Variants in DENND2A observed in about 807,000 individuals in gnomAD.
DENND2A encodes DENN domain-containing protein 2A.
In DENND2A, 53 loss-of-function variants were observed where a neutral mutation model predicts 105.3. The observed-to-expected ratio is 0.50, with a 90% CI of 0.40 to 0.63. The LOEUF is 0.63. Among genes scored for constraint, DENND2A ranks in the 30% least tolerant of loss-of-function variants. The probability of loss-of-function intolerance (pLI) is 0.00; values close to 1 mark genes in which losing one functional copy is unlikely to be tolerated. For missense variants in DENND2A, 1,138 were observed against 1,279.6 expected (o/e 0.89, Z 1.69); for synonymous variants, 522 against 508.4 (o/e 1.03, Z -0.36).
chr7:140,602,352 C>T lies in DENND2A; in HGVS notation c.46G>A (p.Glu16Lys). ...TGCTTCTTCCCAGCCCTGCTGGCTT[C>T]TGCAGCTGGGTCACTGATGATCATA... ...LDMIISDPAA[E>K]ASRAGKKQLR... The change falls in exon 3 of 20, where the codon GAA becomes AAA. Residue 16 changes from glutamate (E) to lysine (K), a missense_variant. Coordinates refer to ENST00000496613, the MANE Select transcript of DENND2A (RefSeq NM_015689.5). The T allele has an allele frequency of 6.3e-7, 1 of 1,593,474 alleles. No homozygotes were observed. The highest frequency in any genetic ancestry group is 8.5e-7 in the Non-Finnish European group (1 of 1,174,080).
intron 14 of DENND2A, chr7:140,544,151 C>T (rs1796795777): frequency 9.4e-6 from 2 of 213,562 alleles, no homozygotes; most frequent in South Asian, 8.4e-5. Context: ...CTCGGCCTCC[C>T]GAAGTGCTAG....
In DENND2A at chr7:140,596,034, G is replaced by A. The variant is rs1223658202; in HGVS notation, c.995+5369C>T. On this transcript the variant is annotated intron_variant, in intron 3 of 19. Coordinates refer to ENST00000496613, the MANE Select transcript of DENND2A (RefSeq NM_015689.5). ...AGCTCTCAGCTTGCATTCTGTTATC[G>A]GGTAACTCCTCCACCGTGTACTAGG... Among the ~76,000 whole-genome samples, 5 of 152,220 alleles carry A rather than the reference G, an allele frequency of 3.3e-5. No homozygotes were observed. The South Asian group carries it at 6.2e-4, about 19-fold the overall frequency.
intron 9 of DENND2A, among the ~76,000 whole-genome samples, chr7:140,566,392 T>C (rs1233104861): frequency 6.6e-6 from 1 of 152,182 alleles, no homozygotes; most frequent in African/African-American, 2.4e-5. Context: ...CTGAATTCTT[T>C]CTTGTGTGAG....
At position 140,573,790 on chromosome 7, in the gene DENND2A, G is replaced by A. The variant is rs1585665929; in HGVS notation, c.1446+18C>T. On this transcript the variant is annotated intron_variant, in intron 6 of 19. Transcript: ENST00000496613. ...GGGGTCATGCATACCTGAGCATGAA[G>A]CTTGTTGCCACCATTACCTTGGGTA... The A allele has an allele frequency of 6.2e-7, 1 of 1,611,480 alleles. No homozygotes were observed. The highest frequency in any genetic ancestry group is 1.3e-5 in the African/African-American group (1 of 74,934).
At chr7:140,540,965 G>T (rs1796635517) in intron 14 of DENND2A, among the ~76,000 whole-genome samples, 2 of 151,992 alleles carry the variant, frequency 1.3e-5, no homozygotes, top group Non-Finnish European at 2.9e-5. Context: ...TGATCCACTC[G>T]CCTCGGCCTC....
intron 1 of DENND2A, among the ~76,000 whole-genome samples, chr7:140,624,857 T>G (rs1192239701): frequency 6.8e-6 from 1 of 146,892 alleles, no homozygotes; most frequent in Admixed American, 6.7e-5. Flanking sequence ...TTGTTTTTTT[T>G]GTTTTTTTTT....
chr7:140,602,044 C>T lies in DENND2A; in HGVS notation c.354G>A (p.Gly118=). The T allele has an allele frequency of 6.2e-7, 1 of 1,614,204 alleles. No homozygotes were observed. Among genetic ancestry groups the T allele is most frequent in the East Asian group, 2.2e-5 (1 of 44,874 alleles). Residue 118 remains glycine, a synonymous_variant, in exon 3 of 20, where the codon GGG becomes GGA. Transcript: ENST00000496613. ...CTTGCCCCGGCTCTGGGTCCTGTCC[C>T]CCGACGTTCACTGCTCCTTTATTCC... The part of the protein sequence containing the change: ...KERNKGAVNV[G]GQDPEPGQDL...
At chr7:140,563,676 T>TA (rs139848094) in intron 9 of DENND2A, among the ~76,000 whole-genome samples, 348 of 29,246 alleles carry the variant, frequency 0.012, 57 homozygotes, top group African/African-American at 0.052. Flanking sequence ...ACCATTGCAT[T>TA]AAAAAAAAAA....
At chr7:140,620,392 C>A (rs1800242504) in intron 1 of DENND2A, among the ~76,000 whole-genome samples, 1 of 150,648 alleles carries the variant, frequency 6.6e-6, no homozygotes. Flanking sequence ...AAACTGCACA[C>A]AAAAGAAAAT....
Position 140,523,518 on chromosome 7 carries a change from A to C in DENND2A, c.2548-94T>G, listed in dbSNP as rs1795937368. On this transcript the variant is annotated intron_variant, in intron 16 of 19. Coordinates refer to ENST00000496613, the MANE Select transcript of DENND2A (RefSeq NM_015689.5). The surrounding 1 kb of genome is among the most constrained non-coding windows in gnomAD (Gnocchi z 4.5). ...AGCCACTGCAGGGCAGGCCTGGCTC[A>C]GTCTCCAGTTTCATGGAAGGAATAC... 1.9e-6 allele frequency: 2 copies of C among 1,043,256 alleles called. No individual in the cohort carries two copies. The highest frequency in any genetic ancestry group is 1.6e-5 in the African/African-American group (1 of 63,608). The allele number at this position is 1,043,256 out of a possible 1,614,324, so 64.6% of individuals were successfully genotyped here.
intron 14 of DENND2A, among the ~76,000 whole-genome samples, chr7:140,535,569 CT>C (rs562088190): frequency 0.046 from 6,559 of 143,010 alleles, 399 homozygotes; most frequent in African/African-American, 0.15. Flanking sequence ...CTTCCAGCTT[CT>C]TTTTTTTTTT....
At chr7:140,520,273 T>C (rs1795807693) in intron 18 of DENND2A, among the ~76,000 whole-genome samples, 2 of 149,450 alleles carry the variant, frequency 1.3e-5, no homozygotes, top group Admixed American at 1.3e-4. Flanking sequence ...GCCTTTGCAC[T>C]CCAGCTTGGG....
chr7:140,589,419 T>C (rs1270738421), intron 3 of DENND2A, among the ~76,000 whole-genome samples: 1 of 152,182 alleles, frequency 6.6e-6, no homozygotes, highest in Non-Finnish European at 1.5e-5. Flanking sequence ...TATGAGGAGA[T>C]GCTATGAACC....
rs2293178 is a variant in DENND2A at position 140,527,276 on chromosome 7, C to T, written c.2505+42G>A. ...AGAGCCAGCGCCCCGCTCTGTTCTC[C>T]GCACCCTGCAGGGAGGGGGACAGGG... On this transcript the variant is annotated intron_variant, in intron 15 of 19. Coordinates refer to ENST00000496613, the MANE Select transcript of DENND2A (RefSeq NM_015689.5). This position sits in a 1 kb window ranked among gnomAD's most constrained non-coding sequence, Gnocchi z 4.9. 6,468 of 1,523,564 alleles carry T rather than the reference C, an allele frequency of 4.2e-3. 242 individuals carry two copies. The Admixed American group carries it at 0.082, about 19-fold the overall frequency. The allele number at this position is 1,523,564 out of a possible 1,614,324, so 94.4% of individuals were successfully genotyped here.
chr7:140,537,660 T>G (rs1796497341), intron 14 of DENND2A, among the ~76,000 whole-genome samples: 1 of 146,534 alleles, frequency 6.8e-6, no homozygotes. Flanking sequence ...GTTTTTCATT[T>G]GTTTGTTTGT....
At chr7:140,545,593 C>T (rs1429165952) in intron 13 of DENND2A, among the ~76,000 whole-genome samples, 1 of 152,174 alleles carries the variant, frequency 6.6e-6, no homozygotes, top group African/African-American at 2.4e-5. Flanking sequence ...CCAAGTGATC[C>T]ACCTGCCTCG....
chr7:140,533,084 C>T (rs1254838350), intron 14 of DENND2A, among the ~76,000 whole-genome samples: 1 of 151,162 alleles, frequency 6.6e-6, no homozygotes, highest in Non-Finnish European at 1.5e-5. Flanking sequence ...CTCTGCCTCC[C>T]AGGTTCAAGC....
intron 6 of DENND2A, among the ~76,000 whole-genome samples, chr7:140,573,091 T>A (rs778869050): frequency 6.6e-6 from 1 of 152,216 alleles, no homozygotes; most frequent in Non-Finnish European, 1.5e-5. Flanking sequence ...TATAAGCACA[T>A]AGGCCCAGTC....
At chr7:140,609,338 C>T (rs1799805958) in intron 1 of DENND2A, among the ~76,000 whole-genome samples, 1 of 151,574 alleles carries the variant, frequency 6.6e-6, no homozygotes. Flanking sequence ...CATGGGGAAA[C>T]CCTGTCTCTA....
Sources: allele counts gnomAD v4.1 joint callset (sites outside exome capture counted in the v4.1 genomes callset), GRCh38; gene constraint gnomAD v4.1.1; non-coding constraint Gnocchi (gnomAD v3.1); transcripts MANE v1.5; gene names NCBI Gene and HGNC (gene_info 2026-07-23, HGNC 2026-07-21).